The following MACF1 variants were observed in gnomAD, a reference collection of about 807,000 sequenced individuals.
MACF1 encodes microtubule actin crosslinking factor 1.
Under a neutral mutation model 854.8 loss-of-function variants are expected in MACF1, and 193 were observed. The observed-to-expected ratio is 0.23, with a 90% CI of 0.20 to 0.25. The LOEUF (loss-of-function observed/expected upper bound fraction) is 0.25, where lower values mean the gene tolerates loss of function less well. MACF1 is among the 10% of genes least tolerant of loss of function. The probability of loss-of-function intolerance (pLI) is 1.00; values close to 1 mark genes in which losing one functional copy is unlikely to be tolerated. For missense variants in MACF1, 7,722 were observed against 8,929.1 expected, an observed-to-expected ratio of 0.86 and a Z score of 5.45; for synonymous variants, 3,185 against 3,226.7, an observed-to-expected ratio of 0.99 and a Z score of 0.44.
intron 2 of MACF1, among the ~76,000 whole-genome samples, chr1:39,129,422 A>G (rs974589432): frequency 6.6e-6 from 1 of 152,214 alleles, no homozygotes; most frequent in Non-Finnish European, 1.5e-5. Flanking sequence ...CAGGCTAATT[A>G]GGCAAACTGG....
chr1:39,429,205 C>G, intron 63 of MACF1, 37 bp from the exon 64 acceptor site: 2 of 1,068,398 alleles, frequency 1.9e-6, no homozygotes, highest in Middle Eastern at 2.0e-4. Context: ...ATTTGTAGTG[C>G]CACAGTTTCA....
At chr1:39,225,281 A>G (rs1465024517) in intron 1 of MACF1, among the ~76,000 whole-genome samples, 1 of 143,942 alleles carries the variant, frequency 6.9e-6, no homozygotes, top group Admixed American at 7.2e-5. Flanking sequence ...CAGTGGCGCA[A>G]TCTCGGCTCA....
At chr1:39,423,634 C>CA (rs372928855) in intron 60 of MACF1, among the ~76,000 whole-genome samples, 43,575 of 93,884 alleles carry the variant, frequency 0.46, 8,668 homozygotes, top group Non-Finnish European at 0.53. Flanking sequence ...GACTCTGTCT[C>CA]AAAAAAAAAA....
In MACF1 at chr1:39,322,929, G is replaced by A. The variant is rs759248051; in HGVS notation, c.4157G>A (p.Arg1386His). The part of the protein sequence containing the change: ...ITQEFMDLRT[R>H]YTALVTLTTQ... ...CCACAGTTCATGGACTTAAGGACTC[G>A]CTACACGGCATTGGTGACTTTAACA... Residue 1386 changes from arginine to histidine, a missense_variant, in exon 33 of 101, where the codon CGC becomes CAC. By Grantham distance (29) the Arg-to-His change is conservative (BLOSUM62 0). Coordinates refer to ENST00000564288, the MANE Select transcript of MACF1 (RefSeq NM_001394062.1). The A allele has an allele frequency of 8.1e-6, 13 of 1,613,900 alleles. No homozygotes were observed. The highest frequency in any genetic ancestry group is 1.3e-5 in the African/African-American group (1 of 74,882).
At position 39,455,110 on chromosome 1, in the gene MACF1, C is replaced by T. The variant is rs369999308; in HGVS notation, c.21075+13C>T. The T allele has an allele frequency of 1.7e-5, 27 of 1,611,398 alleles. No homozygotes were observed. The highest frequency in any genetic ancestry group is 2.3e-5 in the Non-Finnish European group (27 of 1,178,372). On this transcript the variant is annotated intron_variant, in intron 89 of 100. Coordinates refer to ENST00000564288, the MANE Select transcript of MACF1 (RefSeq NM_001394062.1). The stretch of plus-strand genomic sequence containing the variant: ...CGCTGAGCATCAGGTATCTTAACCT[C>T]ACTGTGTGATCACTGGTGTTTTCCG...
At chr1:39,431,609 T>C (rs185596244) in intron 66 of MACF1, among the ~76,000 whole-genome samples, 1 of 152,306 alleles carries the variant, frequency 6.6e-6, no homozygotes, top group Non-Finnish European at 1.5e-5. Flanking sequence ...TGAAATGTAT[T>C]GTGCTTGGGA....
rs764474956 is a variant in MACF1 at position 39,412,154 on chromosome 1, G to A, written c.15817-10220G>A. 4.3e-6 allele frequency: 7 copies of A among 1,613,872 alleles called. No homozygotes were observed. In the Admixed American group the frequency reaches 1.0e-4, roughly 23 times the overall value. On this transcript the variant is annotated intron_variant, in intron 58 of 100. Coordinates refer to ENST00000564288, the MANE Select transcript of MACF1 (RefSeq NM_001394062.1). ...TCTGAGCTGGCCAAAGACAATGGCAGTTTGTCCCAGGGAGACTGCAGTCAA... is the reference window on the plus strand; with the variant it reads ...TCTGAGCTGGCCAAAGACAATGGCAATTTGTCCCAGGGAGACTGCAGTCAA...
intron 6 of MACF1, among the ~76,000 whole-genome samples, chr1:39,263,616 A>G (rs1645190426): frequency 6.6e-6 from 1 of 152,066 alleles, no homozygotes; most frequent in South Asian, 2.1e-4. Flanking sequence ...GGTAAATATT[A>G]TCCTAAAGTT....
At chr1:39,365,724 G>A (rs570103725) in intron 49 of MACF1, among the ~76,000 whole-genome samples, 3 of 150,580 alleles carry the variant, frequency 2.0e-5, no homozygotes, top group Admixed American at 6.6e-5. Flanking sequence ...CACCCAGGCT[G>A]GGGTGCAGTG....
chr1:39,248,097 G>T (rs1280961719), intron 2 of MACF1, among the ~76,000 whole-genome samples: 1 of 152,082 alleles, frequency 6.6e-6, no homozygotes, highest in African/African-American at 2.4e-5. Context: ...GTTGTATAAC[G>T]TACCTGTCAC....
At chr1:39,290,393 G>C (rs746166501) in intron 15 of MACF1, among the ~76,000 whole-genome samples, 1 of 152,086 alleles carries the variant, frequency 6.6e-6, no homozygotes, top group Admixed American at 6.6e-5. Context: ...TGGTCTATGT[G>C]TCCATTTCTA....
intron 2 of MACF1, among the ~76,000 whole-genome samples, chr1:39,137,631 G>T (rs980015001): frequency 6.6e-6 from 1 of 152,176 alleles, no homozygotes; most frequent in South Asian, 2.1e-4. Flanking sequence ...CTCCCAAAGA[G>T]CTGGGATTAT....
At chr1:39,178,520 A>G (rs1644062400) in intron 2 of MACF1, among the ~76,000 whole-genome samples, 1 of 152,238 alleles carries the variant, frequency 6.6e-6, no homozygotes, top group Non-Finnish European at 1.5e-5. Context: ...AGTGGGGCAC[A>G]TAGTTGCTGG....
intron 1 of MACF1, among the ~76,000 whole-genome samples, chr1:39,216,884 A>G (rs1249076853): frequency 2.0e-5 from 3 of 152,152 alleles, no homozygotes; most frequent in Non-Finnish European, 1.5e-5. Context: ...CCAATCCCAC[A>G]TAATCCCCTA....
chr1:39,186,170 ATCTCTCTCTCTCTCTCTC>A (rs55658204), intron 2 of MACF1, among the ~76,000 whole-genome samples: 37 of 109,982 alleles, frequency 3.4e-4, no homozygotes, highest in South Asian at 2.8e-3. Context: ...GATTCTGAAC[ATCTCTCTCTCTCTCTCTC>A]TCTCTCTCTC....
In MACF1 at chr1:39,477,077, A is replaced by ACACACACATATATACACTTAGTG. The variant is rs1183082119; in HGVS notation, c.21959-2721_21959-2720insCACACACATATATACACTTAGTG. 9.4e-3 allele frequency among the ~76,000 whole-genome samples: 180 copies of ACACACACATATATACACTTAGTG among 19,212 alleles called. 5 individuals are homozygous for ACACACACATATATACACTTAGTG. Among genetic ancestry groups the ACACACACATATATACACTTAGTG allele is most frequent in the African/African-American group, 0.028 (150 of 5,432 alleles). 12.6% of individuals were successfully genotyped at this position (19,212 alleles called of 152,430 possible). On this transcript the variant is annotated intron_variant, in intron 97 of 100. Transcript: ENST00000564288. ...TATATATATATATATATATATATAT[A>ACACACACATATATACACTTAGTG]TATATATATATATACACACACACAC...
intron 2 of MACF1, among the ~76,000 whole-genome samples, chr1:39,097,152 C>G (rs1348657903): frequency 6.6e-6 from 1 of 151,974 alleles, no homozygotes; most frequent in Non-Finnish European, 1.5e-5. Context: ...GCTGGGATTA[C>G]AGGTGTGAGC....
Position 39,294,914 on chromosome 1 carries a change from G to GT in MACF1, c.2155-129dup, listed in dbSNP as rs1347638989. 4.6e-6 allele frequency: 3 copies of GT among 645,532 alleles called. No individual in the cohort carries two copies. The East Asian group carries it at 8.2e-5, about 18-fold the overall frequency. 40.0% of individuals were successfully genotyped at this position (645,532 alleles called of 1,614,324 possible). On this transcript the variant is annotated intron_variant, in intron 18 of 100. Transcript: ENST00000564288. Reference sequence around the variant, plus strand: ...TCTCTGCAATCCTCTGGCATGCACTGTTTATACATCTCATTTTGCCACCAA... The same window carrying GT: ...TCTCTGCAATCCTCTGGCATGCACTGTTTTATACATCTCATTTTGCCACCAA...
At chr1:39,435,101 A>G (rs921189902) in intron 69 of MACF1, among the ~76,000 whole-genome samples, 1 of 152,274 alleles carries the variant, frequency 6.6e-6, no homozygotes, top group Non-Finnish European at 1.5e-5. Flanking sequence ...AAGTGTATAA[A>G]CTGGACGTAG....
Sources: allele counts gnomAD v4.1 joint callset (sites outside exome capture counted in the v4.1 genomes callset), GRCh38; gene constraint gnomAD v4.1.1; transcripts MANE v1.5; gene names NCBI Gene and HGNC (gene_info 2026-07-23, HGNC 2026-07-21).